ZNF26: variants seen among roughly 807,000 people sequenced by gnomAD.
ZNF26 encodes epididymis luminal protein 179.
ZNF26 carries 32 observed loss-of-function variants against 54.9 expected under a neutral mutation model. The observed-to-expected ratio is 0.58, with a 90% confidence interval of 0.44 to 0.78. ZNF26 has a LOEUF of 0.78. ZNF26 is among the 30% of genes least tolerant of loss of function. ZNF26 has a pLI of 0.00. For synonymous variants in ZNF26, 221 were observed against 209.2 expected (o/e 1.06, Z -0.49); for missense variants, 524 against 634.0 (o/e 0.83, Z 1.86).
rs1311056738 is a variant in ZNF26 at position 133,012,974 on chromosome 12, T to A, written c.*1493T>A. The A allele has an allele frequency of 6.6e-6, 1 of 152,188 alleles. No individual in the cohort carries two copies. The highest frequency in any genetic ancestry group is 2.4e-5 in the African/African-American group (1 of 41,442). 9.4% of individuals were successfully genotyped at this position (152,188 alleles called of 1,614,324 possible). On this transcript the variant is annotated 3_prime_UTR_variant, in exon 4 of 4. Coordinates refer to ENST00000328654, the MANE Select transcript of ZNF26 (RefSeq NM_019591.4). The stretch of plus-strand genomic sequence containing the variant: ...AGTGGGGTATATGATTTAGGTTTGT[T>A]TGTTTTTCCTGAGACAAGAAAATCA...
In ZNF26 at chr12:132,986,877, A is replaced by G; in HGVS notation, c.33+4A>G. ...TTTCCGGACAGCTTCGTGCTGGGTA[A>G]GTAGAGACTTTCCGTGTTTAAAATT... On this transcript the variant is annotated splice_donor_region_variant and intron_variant, in intron 1 of 3. Transcript: ENST00000328654. 1 of 1,605,906 alleles carries G rather than the reference A, an allele frequency of 6.2e-7. No individual in the cohort carries two copies. The highest frequency in any genetic ancestry group is 8.5e-7 in the Non-Finnish European group (1 of 1,176,262).
chr12:133,004,658 T>A (rs1953286390), intron 1 of ZNF26: 1 of 152,156 alleles, frequency 6.6e-6, no homozygotes, highest in African/African-American at 2.4e-5. Flanking sequence ...CACATTTTTT[T>A]GTTATTTGTA....
rs1953667816 is a variant in ZNF26, at chr12:133,023,544, CTT to C, written c.*12065_*12066del. On this transcript the variant is annotated 3_prime_UTR_variant, in exon 4 of 4. Transcript: ENST00000328654. ...TTCTGAGTAAATGAAATCCAGGTCT[CTT>C]TCGCCATACATTTGTATATGAGGTT... 1 of 152,214 alleles carries C rather than the reference CTT, an allele frequency of 6.6e-6. No homozygotes were observed. Among genetic ancestry groups the C allele is most frequent in the South Asian group, 2.1e-4 (1 of 4,828 alleles). 9.4% of individuals were successfully genotyped at this position (152,214 alleles called of 1,614,324 possible). A position where few individuals can be genotyped will look rare whatever the true frequency, so the allele number is the denominator to read the frequency against.
chr12:133,010,835 G>T lies in ZNF26; in HGVS notation c.956G>T (p.Cys319Phe). 2.5e-6 allele frequency: 4 copies of T among 1,614,118 alleles called. No homozygotes were observed. The highest frequency in any genetic ancestry group is 1.3e-5 in the African/African-American group (1 of 75,046). Residue 319 changes from cysteine (C) to phenylalanine (F), a missense_variant, in exon 4 of 4, where the codon TGT becomes TTT. Cys to Phe is a radical substitution (Grantham distance 205). Transcript: ENST00000328654. ...GTGAAACCCCATAAATGCAGTGAAT[G>T]TGGGAAAGCCTTTAGGAGTAAGTCC... Reference protein sequence around the residue: ...TGVKPHKCSECGKAFRSKSYL... With the variant: ...TGVKPHKCSEFGKAFRSKSYL...
rs202196788 is a variant in ZNF26, at chr12:132,991,719, C to T, written c.33+4846C>T. 3.0e-4 allele frequency among the ~76,000 whole-genome samples: 46 copies of T among 151,970 alleles called. No individual in the cohort carries two copies. In the East Asian group the frequency reaches 8.7e-3, roughly 29 times the overall value. On this transcript the variant is annotated intron_variant, in intron 1 of 3. Transcript: ENST00000328654. ...TTGGGAGGTGAGATGGTGAGGTGAG[C>T]CCAGGAGTTCGAGGCTGCTGTGCCA... is the stretch of plus-strand genomic sequence containing the variant.
chr12:132,994,758 T>A (rs1412805973), intron 1 of ZNF26, among the ~76,000 whole-genome samples: 3 of 152,244 alleles, frequency 2.0e-5, no homozygotes, highest in Non-Finnish European at 4.4e-5. Context: ...TTTGTACATT[T>A]GTTTTGGTAG....
intron 1 of ZNF26, among the ~76,000 whole-genome samples, chr12:132,995,654 T>C (rs1326980051): frequency 6.6e-6 from 1 of 152,086 alleles, no homozygotes; most frequent in East Asian, 1.9e-4. Flanking sequence ...TGAAGTTTAC[T>C]GTTGTGGTTT....
At chr12:132,988,277 C>T (rs1307871372) in intron 1 of ZNF26, among the ~76,000 whole-genome samples, 2 of 151,878 alleles carry the variant, frequency 1.3e-5, no homozygotes, top group African/African-American at 4.8e-5. Flanking sequence ...CACTCTGTTG[C>T]CCAGGTTGGA....
Position 133,013,248 on chromosome 12 carries a change from GGAGTGTCA to G in ZNF26, c.*1770_*1777del. ...AAGCCCTGAAATCTCACCTCAGGGT[GGAGTGTCA>G]GACTTGGCAACTTTGACATTGCTGA... On this transcript the variant is annotated 3_prime_UTR_variant, in exon 4 of 4. Transcript: ENST00000328654. The G allele has an allele frequency of 6.6e-6, 1 of 152,366 alleles. No homozygotes were observed. Among genetic ancestry groups the G allele is most frequent in the South Asian group, 2.1e-4 (1 of 4,834 alleles). 9.4% of individuals were successfully genotyped at this position (152,366 alleles called of 1,614,324 possible).
At chr12:133,006,310 C>T in intron 1 of ZNF26, 1 of 985,422 alleles carries the variant, frequency 1.0e-6, no homozygotes, top group African/African-American at 1.7e-5. Flanking sequence ...TCAGCTGAAC[C>T]TCGTCCAAAC....
chr12:132,986,467 G>T lies in ZNF26; in HGVS notation c.-374G>T. ...GGGTGTACCTGGCTGAGTCTCTGTG[G>T]CCGCGGAGGCGCGGAGCTAAGCGGC... On this transcript the variant is annotated 5_prime_UTR_variant, in exon 1 of 4. Coordinates refer to ENST00000328654, the MANE Select transcript of ZNF26 (RefSeq NM_019591.4). 1 of 254,466 alleles carries T rather than the reference G, an allele frequency of 3.9e-6. No homozygotes were observed. Among genetic ancestry groups the T allele is most frequent in the Admixed American group, 5.0e-5 (1 of 20,148 alleles). 15.8% of individuals were successfully genotyped at this position (254,466 alleles called of 1,614,324 possible).
intron 1 of ZNF26, among the ~76,000 whole-genome samples, chr12:132,994,509 CCT>C (rs1432236901): frequency 6.6e-6 from 1 of 152,134 alleles, no homozygotes; most frequent in Non-Finnish European, 1.5e-5. Context: ...ATCCCAATCC[CCT>C]CTCTCTCCTC....
chr12:133,001,777 C>T lies in ZNF26; in HGVS notation c.34-5265C>T. On this transcript the variant is annotated intron_variant, in intron 1 of 3. Coordinates refer to ENST00000328654, the MANE Select transcript of ZNF26 (RefSeq NM_019591.4). The surrounding 1 kb of genome is among the most constrained non-coding windows in gnomAD (Gnocchi z 4.7). ...GCCCTGTTTGAGGTGAGCTGCTGAA[C>T]CCTCACTCCCCAGCTGCCTTTTGAG... is the stretch of plus-strand genomic sequence containing the variant. 2 of 1,119,884 alleles carry T rather than the reference C, an allele frequency of 1.8e-6. No homozygotes were observed. The highest frequency in any genetic ancestry group is 2.4e-6 in the Non-Finnish European group (2 of 835,274). The allele number at this position is 1,119,884 out of a possible 1,614,324, so 69.4% of individuals were successfully genotyped here.
chr12:133,007,013 C>T, intron 1 of ZNF26, 29 bp from the exon 2 acceptor site: 1 of 1,612,592 alleles, frequency 6.2e-7, no homozygotes, highest in Non-Finnish European at 8.5e-7. Context: ...GTAATTGCAT[C>T]CAATTGAACA....
intron 1 of ZNF26, chr12:133,004,512 G>C (rs1953283448): frequency 6.6e-6 from 1 of 151,806 alleles, no homozygotes; most frequent in Non-Finnish European, 1.5e-5. Flanking sequence ...TAGAGACAGA[G>C]TCTGGTTCTG....
intron 1 of ZNF26, among the ~76,000 whole-genome samples, chr12:133,000,241 T>C (rs1294395104): frequency 6.6e-6 from 1 of 151,802 alleles, no homozygotes; most frequent in Non-Finnish European, 1.5e-5. Context: ...ATTTTACTTT[T>C]ATTCTTTTAT....
chr12:132,992,534 G>T (rs1327545898), intron 1 of ZNF26, among the ~76,000 whole-genome samples: 2 of 152,100 alleles, frequency 1.3e-5, no homozygotes, highest in African/African-American at 2.4e-5. Context: ...GAAATTTTCA[G>T]TAATTATTGT....
At position 133,007,061 on chromosome 12, in the gene ZNF26, A is replaced by C; in HGVS notation, c.53A>C (p.Asp18Ala). The C allele has an allele frequency of 6.2e-7, 1 of 1,614,152 alleles. No individual in the cohort carries two copies. Among genetic ancestry groups the C allele is most frequent in the Non-Finnish European group, 8.5e-7 (1 of 1,180,002 alleles). Reference sequence around the variant, plus strand: ...TTTCAGGGATTATTGTCATTCAAGGATATATCTATGGAGTTCACCTGGGAT... The same window carrying C: ...TTTCAGGGATTATTGTCATTCAAGGCTATATCTATGGAGTTCACCTGGGAT... ...ASCWGLLSFK[D>A]ISMEFTWDEW... Residue 18 changes from aspartate to alanine, a missense_variant, in exon 2 of 4, where the codon GAT becomes GCT. Physicochemically the swap from Asp to Ala is moderately radical, Grantham distance 126. Transcript: ENST00000328654.
chr12:133,002,687 G>A (rs1033583389), intron 1 of ZNF26, among the ~76,000 whole-genome samples: 23 of 151,700 alleles, frequency 1.5e-4, no homozygotes, highest in African/African-American at 4.8e-4. Flanking sequence ...GCAGTGGTGC[G>A]ATTTCTACTC....
Sources: gnomAD v4.1 joint callset for allele counts (sites outside exome capture counted in the v4.1 genomes callset) on GRCh38, gnomAD v4.1.1 for gene constraint, Gnocchi (gnomAD v3.1) non-coding constraint, MANE v1.5 for transcripts, NCBI Gene and HGNC (gene_info 2026-07-23, HGNC 2026-07-21) for gene names.